The following ADAMTS15 variants were observed in gnomAD, a reference collection of about 807,000 sequenced individuals.
ADAMTS15 encodes the protein A disintegrin and metalloproteinase with thrombospondin motifs 15.
ADAMTS15 carries 35 observed loss-of-function variants against 79.1 expected under a neutral mutation model. The ratio of observed to expected loss-of-function variants is 0.44; its 90% CI spans 0.34 to 0.59. The LOEUF (loss-of-function observed/expected upper bound fraction) is 0.59, where lower values mean the gene tolerates loss of function less well. ADAMTS15 is among the 20% of genes least tolerant of loss of function. ADAMTS15 has a pLI of 0.02. For missense variants in ADAMTS15, 1,324 were observed against 1,318.7 expected, an observed-to-expected ratio of 1.00 and a Z score of -0.06; for synonymous variants, 616 against 567.3, an observed-to-expected ratio of 1.09 and a Z score of -1.22.
In ADAMTS15 at chr11:130,449,697, C is replaced by A; in HGVS notation, c.724C>A (p.Leu242Met). 5.6e-6 allele frequency: 9 copies of A among 1,608,786 alleles called. No individual in the cohort carries two copies. The highest frequency in any genetic ancestry group is 1.1e-5 in the South Asian group (1 of 90,358). The change falls in exon 1 of 8, where the codon CTG becomes ATG. Residue 242 changes from leucine to methionine, a missense_variant. Physicochemically the swap from Leu to Met is conservative, Grantham distance 15. Coordinates refer to ENST00000299164, the MANE Select transcript of ADAMTS15 (RefSeq NM_139055.4). The surrounding 1 kb of genome is among the most constrained non-coding windows in gnomAD (Gnocchi z 7.8). ...CCACGGCGCGGACCTGGAACATTATCTGCTGACGCTGCTGGCAACGGCGGC... is the reference window on the plus strand; with the variant it reads ...CCACGGCGCGGACCTGGAACATTATATGCTGACGCTGCTGGCAACGGCGGC... The part of the protein sequence containing the change: ...KFHGADLEHY[L>M]LTLLATAARL...
rs1555081090 is a variant in ADAMTS15, at chr11:130,470,208, ATG to A, written c.1721-710_1721-709del. Among the ~76,000 whole-genome samples, 95 of 63,146 alleles carry A rather than the reference ATG, an allele frequency of 1.5e-3. 4 individuals carry two copies. Among genetic ancestry groups the A allele is most frequent in the African/African-American group, 5.2e-3 (75 of 14,332 alleles). 41.4% of individuals were successfully genotyped at this position (63,146 alleles called of 152,430 possible). ...TGTGTATATATATATATATATATAT[ATG>A]TATATATATATATATTTTCTGAGGT... On this transcript the variant is annotated intron_variant, in intron 5 of 7. Coordinates refer to ENST00000299164, the MANE Select transcript of ADAMTS15 (RefSeq NM_139055.4).
At chr11:130,460,972 C>T (rs1291945631) in intron 1 of ADAMTS15, among the ~76,000 whole-genome samples, 1 of 152,190 alleles carries the variant, frequency 6.6e-6, no homozygotes, top group Non-Finnish European at 1.5e-5. Flanking sequence ...TGATCACTGG[C>T]ATGGGTGGGT....
intron 1 of ADAMTS15, among the ~76,000 whole-genome samples, chr11:130,458,208 GTTTC>G (rs1029603949): frequency 2.6e-5 from 4 of 152,076 alleles, no homozygotes; most frequent in Admixed American, 6.6e-5. Flanking sequence ...TGGTCTAGCG[GTTTC>G]TTTCTTTCTT....
Position 130,473,741 on chromosome 11 carries a change from G to A in ADAMTS15, c.2773G>A (p.Gly925Ser). The stretch of plus-strand genomic sequence containing the variant: ...CTCACTCAAGTGTGTGGGCCACGGA[G>A]GCCGGCTGCTGGCCCGGGACCAGTG... Reference protein sequence around the residue: ...RRSLKCVGHGGRLLARDQCNL... With the variant: ...RRSLKCVGHGSRLLARDQCNL... The change falls in exon 8 of 8, where the codon GGC (glycine) becomes AGC (serine). Residue 925 changes from glycine (G) to serine (S), a missense_variant. By Grantham distance (56) the Gly-to-Ser change is moderately conservative. Coordinates refer to ENST00000299164, the MANE Select transcript of ADAMTS15 (RefSeq NM_139055.4). 6.3e-7 allele frequency: 1 copy of A among 1,599,614 alleles called. No homozygotes were observed. Among genetic ancestry groups the A allele is most frequent in the South Asian group, 1.1e-5 (1 of 91,080 alleles).
Position 130,474,807 on chromosome 11 carries a change from A to G in ADAMTS15, c.*986A>G, listed in dbSNP as rs1938543841. On this transcript the variant is annotated 3_prime_UTR_variant, in exon 8 of 8. Coordinates refer to ENST00000299164, the MANE Select transcript of ADAMTS15 (RefSeq NM_139055.4). ...GAGAGGCACGTATATGCAGGCTGAC[A>G]TCCGAGGGTCTGTGTCGCCTCAGAC... 1 of 152,148 alleles carries G rather than the reference A, an allele frequency of 6.6e-6. No individual in the cohort carries two copies. Among genetic ancestry groups the G allele is most frequent in the East Asian group, 1.9e-4 (1 of 5,184 alleles). 9.4% of individuals were successfully genotyped at this position (152,148 alleles called of 1,614,324 possible). A position where few individuals can be genotyped will look rare whatever the true frequency, so the allele number is the denominator to read the frequency against.
rs759964575 is a variant in ADAMTS15, at chr11:130,471,248, T to C, written c.1943T>C (p.Val648Ala). 1.1e-5 allele frequency: 17 copies of C among 1,610,056 alleles called. No individual in the cohort carries two copies. In the Admixed American group the frequency reaches 2.9e-4, roughly 27 times the overall value. ...GTLCSPDSTSVCVQGKCIKAG... is the reference protein window; with the variant it reads ...GTLCSPDSTSACVQGKCIKAG... ...CTGTGCTCTCCTGACTCCACCTCCG[T>C]CTGTGTCCAAGGCAAGTGCATCAAG... is the stretch of plus-strand genomic sequence containing the variant. The change falls in exon 7 of 8, where the codon GTC becomes GCC. Residue 648 changes from valine (V) to alanine (A), a missense_variant. Coordinates refer to ENST00000299164, the MANE Select transcript of ADAMTS15 (RefSeq NM_139055.4).
Position 130,470,183 on chromosome 11 carries a change from T to TATATATATATACATATATATATATAC in ADAMTS15, c.1721-737_1721-736insATATATATATACATATATATATATAC, listed in dbSNP as rs1565397829. On this transcript the variant is annotated intron_variant, in intron 5 of 7. Coordinates refer to ENST00000299164, the MANE Select transcript of ADAMTS15 (RefSeq NM_139055.4). ...ATATATATATATATATATATATATG[T>TATATATATATACATATATATATATAC]GTGTATATATATATATATATATATA... 1.2e-3 allele frequency among the ~76,000 whole-genome samples: 49 copies of TATATATATATACATATATATATATAC among 39,838 alleles called. 1 individual carries two copies. The highest frequency in any genetic ancestry group is 6.4e-3 in the African/African-American group (46 of 7,216). 26.1% of individuals were successfully genotyped at this position (39,838 alleles called of 152,430 possible).
rs61913917 is a variant in ADAMTS15 at position 130,457,331 on chromosome 11, G to A, written c.958-4158G>A. On this transcript the variant is annotated intron_variant, in intron 1 of 7. Coordinates refer to ENST00000299164, the MANE Select transcript of ADAMTS15 (RefSeq NM_139055.4). Reference sequence around the variant, plus strand: ...ATCTTGGTACATGCCTGGGAAATGAGAAGAGGTAGGAAGGTGGTTCACAGG... The same window carrying A: ...ATCTTGGTACATGCCTGGGAAATGAAAAGAGGTAGGAAGGTGGTTCACAGG... Among the ~76,000 whole-genome samples the A allele has an allele frequency of 3.8e-3, 584 of 152,280 alleles. 1 individual carries two copies. Among genetic ancestry groups the A allele is most frequent in the Middle Eastern group, 6.8e-3 (2 of 294 alleles).
At chr11:130,470,164 A>ACATATG (rs60813103) in intron 5 of ADAMTS15, among the ~76,000 whole-genome samples, 1 of 58,248 alleles carries the variant, frequency 1.7e-5, no homozygotes, top group African/African-American at 1.0e-4. Context: ...GTATATATAT[A>ACATATG]TATATATATA....
intron 7 of ADAMTS15, among the ~76,000 whole-genome samples, chr11:130,471,706 G>A (rs556587357): frequency 6.6e-5 from 10 of 152,238 alleles, no homozygotes; most frequent in South Asian, 6.2e-4. Context: ...GATTCAGATC[G>A]CAGTTACCCA....
intron 1 of ADAMTS15, among the ~76,000 whole-genome samples, chr11:130,456,450 A>T (rs996373281): frequency 4.6e-5 from 7 of 152,196 alleles, no homozygotes; most frequent in Non-Finnish European, 1.0e-4. Flanking sequence ...AGTAACTAAC[A>T]TTCTTCGTCA....
intron 1 of ADAMTS15, among the ~76,000 whole-genome samples, chr11:130,460,370 A>G (rs1281643498): frequency 6.7e-6 from 1 of 150,196 alleles, no homozygotes; most frequent in Admixed American, 6.7e-5. Context: ...TCTGCCTCCC[A>G]GGTTCAAGCG....
intron 1 of ADAMTS15, among the ~76,000 whole-genome samples, chr11:130,460,494 C>T (rs1938177377): frequency 6.6e-6 from 1 of 152,146 alleles, no homozygotes; most frequent in Non-Finnish European, 1.5e-5. Flanking sequence ...CCAGGCTGGT[C>T]TTGAGCTCCT....
chr11:130,462,857 T>C lies in ADAMTS15; in HGVS notation c.1542+77T>C. ...ACCCGGGGGCCTCGTCTGCCCTTGG[T>C]CTTCACCAGGAAGGTGCCTATCACA... On this transcript the variant is annotated intron_variant, in intron 4 of 7. Coordinates refer to ENST00000299164, the MANE Select transcript of ADAMTS15 (RefSeq NM_139055.4). The surrounding 1 kb of genome is among the most constrained non-coding windows in gnomAD (Gnocchi z 4.3). The C allele has an allele frequency of 6.6e-7, 1 of 1,521,996 alleles. No homozygotes were observed. The highest frequency in any genetic ancestry group is 8.8e-7 in the Non-Finnish European group (1 of 1,131,864). The allele number at this position is 1,521,996 out of a possible 1,614,324, so 94.3% of individuals were successfully genotyped here. A position where few individuals can be genotyped will look rare whatever the true frequency, so the allele number is the denominator to read the frequency against.
Position 130,449,827 on chromosome 11 carries a change from C to T in ADAMTS15, c.854C>T (p.Ala285Val). The T allele has an allele frequency of 1.2e-6, 2 of 1,609,584 alleles. No individual in the cohort carries two copies. The highest frequency in any genetic ancestry group is 8.5e-7 in the Non-Finnish European group (1 of 1,180,018). Reference protein sequence around the residue: ...RDSGPKVTGNAALTLRNFCAW... With the variant: ...RDSGPKVTGNVALTLRNFCAW... ...TCCGGGCCCAAGGTCACCGGCAATG[C>T]GGCCCTGACGCTGCGCAACTTCTGT... The change falls in exon 1 of 8, where the codon GCG (alanine) becomes GTG (valine). Residue 285 changes from alanine to valine, a missense_variant. By Grantham distance (64) the Ala-to-Val change is moderately conservative. Transcript: ENST00000299164. This position sits in a 1 kb window ranked among gnomAD's most constrained non-coding sequence, Gnocchi z 7.8.
Position 130,462,168 on chromosome 11 carries a change from C to T in ADAMTS15, c.1172C>T (p.Ser391Phe). The T allele has an allele frequency of 6.2e-7, 1 of 1,614,178 alleles. No homozygotes were observed. The highest frequency in any genetic ancestry group is 1.1e-5 in the South Asian group (1 of 91,078). Residue 391 changes from serine to phenylalanine, a missense_variant, in exon 3 of 8, where the codon TCC (serine) becomes TTC (phenylalanine). Transcript: ENST00000299164. This position sits in a 1 kb window ranked among gnomAD's most constrained non-coding sequence, Gnocchi z 4.3. Reference sequence around the variant, plus strand: ...AAGCTCCGAGCCAACCACATGATGTCCCCGACCCTCATCCAGATCGACCGT... The same window carrying T: ...AAGCTCCGAGCCAACCACATGATGTTCCCGACCCTCATCCAGATCGACCGT... ...FGKLRANHMM[S>F]PTLIQIDRAN...
chr11:130,449,187 G>A lies in ADAMTS15; in HGVS notation c.214G>A (p.Ala72Thr), dbSNP rs1937897575. 16 of 1,612,900 alleles carry A rather than the reference G, an allele frequency of 9.9e-6. No individual in the cohort carries two copies. Among genetic ancestry groups the A allele is most frequent in the African/African-American group, 1.3e-5 (1 of 74,886 alleles). The change falls in exon 1 of 8, where the codon GCT becomes ACT. Residue 72 changes from alanine to threonine, a missense_variant. Coordinates refer to ENST00000299164, the MANE Select transcript of ADAMTS15 (RefSeq NM_139055.4). This position sits in a 1 kb window ranked among gnomAD's most constrained non-coding sequence, Gnocchi z 7.8. ...CTTTTACCTACACCTGACGCCGGAT[G>A]CTCAGTTCTTGGCTCCCGCCTTCTC... ...EDFYLHLTPD[A>T]QFLAPAFSTE...
rs760425565 is a variant in ADAMTS15, at chr11:130,469,411, C to T, written c.1692C>T (p.Ser564=). The stretch of plus-strand genomic sequence containing the variant: ...AGGGAGTGAGGGTGAAATACCGATC[C>T]TGCAATCTGGAGCCCTGCCCCAGCT... ...YCEGVRVKYR[S]CNLEPCPSSA... Residue 564 remains serine, a synonymous_variant, in exon 5 of 8, where the codon TCC becomes TCT. Coordinates refer to ENST00000299164, the MANE Select transcript of ADAMTS15 (RefSeq NM_139055.4). The T allele has an allele frequency of 1.6e-5, 22 of 1,348,490 alleles. No individual in the cohort carries two copies. Among genetic ancestry groups the T allele is most frequent in the Admixed American group, 6.1e-5 (2 of 32,918 alleles). The allele number at this position is 1,348,490 out of a possible 1,614,324, so 83.5% of individuals were successfully genotyped here.
At position 130,470,855 on chromosome 11, in the gene ADAMTS15, G is replaced by A. The variant is rs1406631167; in HGVS notation, c.1721-65G>A. ...AGAGCCACGGCAGGCTGGGAGGGAG[G>A]CTTGTCCTTTGCACCGGCCTTGTCC... On this transcript the variant is annotated intron_variant, in intron 5 of 7. Transcript: ENST00000299164. 4 of 1,538,962 alleles carry A rather than the reference G, an allele frequency of 2.6e-6. No homozygotes were observed. In the African/African-American group the frequency reaches 4.1e-5, roughly 16 times the overall value.
Sources: allele counts gnomAD v4.1 joint callset (sites outside exome capture counted in the v4.1 genomes callset), GRCh38; gene constraint gnomAD v4.1.1; non-coding constraint Gnocchi (gnomAD v3.1); transcripts MANE v1.5; gene names NCBI Gene and HGNC (gene_info 2026-07-23, HGNC 2026-07-21).